FOCAD: variants seen among roughly 807,000 people sequenced by gnomAD.
FOCAD encodes the protein KIAA1797.
In FOCAD, 198 loss-of-function variants were observed where a neutral mutation model predicts 225.6. The ratio of observed to expected loss-of-function variants is 0.88; its 90% CI spans 0.78 to 0.99. The LOEUF is 0.99. Ranked by LOEUF, FOCAD falls within the 50% of genes least tolerant of loss-of-function variation. The pLI, the probability that FOCAD is intolerant of heterozygous loss-of-function variation, is 0.00. For missense variants in FOCAD, 2,713 were observed against 2,123.6 expected, an observed-to-expected ratio of 1.28 and a Z score of -5.46; for synonymous variants, 897 against 755.0, an observed-to-expected ratio of 1.19 and a Z score of -3.08.
At chr9:20,954,004 T>C (rs1002000523) in intron 35 of FOCAD, among the ~76,000 whole-genome samples, 3 of 152,208 alleles carry the variant, frequency 2.0e-5, no homozygotes, top group African/African-American at 7.2e-5. Context: ...GATTTCCCAC[T>C]GGGTACAGTA....
In FOCAD at chr9:20,781,942, T is replaced by A; in HGVS notation, c.1197+13T>A. On this transcript the variant is annotated intron_variant, in intron 10 of 43. Transcript: ENST00000338382. Reference sequence around the variant, plus strand: ...TGACCACCAAAAGGTAATGAATCTATCCTTGTTTCTCTTAAATAAAGTGTC... The same window carrying A: ...TGACCACCAAAAGGTAATGAATCTAACCTTGTTTCTCTTAAATAAAGTGTC... 2.5e-6 allele frequency: 4 copies of A among 1,609,080 alleles called. No individual in the cohort carries two copies. Among genetic ancestry groups the A allele is most frequent in the South Asian group, 1.1e-5 (1 of 90,848 alleles).
intron 15 of FOCAD, among the ~76,000 whole-genome samples, chr9:20,845,231 G>T (rs1826958565): frequency 6.6e-6 from 1 of 151,878 alleles, no homozygotes; most frequent in African/African-American, 2.4e-5. Context: ...TCAAAAATCA[G>T]AAAATATGGA....
At chr9:20,709,843 T>A (rs1375074024) in intron 1 of FOCAD, among the ~76,000 whole-genome samples, 1 of 152,230 alleles carries the variant, frequency 6.6e-6, no homozygotes. Context: ...AAATTAGGGC[T>A]GTCTTTTGTA....
chr9:20,884,520 C>T (rs1203708400), intron 20 of FOCAD, among the ~76,000 whole-genome samples: 1 of 152,044 alleles, frequency 6.6e-6, no homozygotes, highest in African/African-American at 2.4e-5. Context: ...TGGTCTCAAA[C>T]TCCTGACCTC....
Position 20,667,628 on chromosome 9 carries a change from C to G in FOCAD, c.-78+8802C>G, listed in dbSNP as rs935315856. Among the ~76,000 whole-genome samples the G allele has an allele frequency of 2.6e-5, 4 of 152,186 alleles. No individual in the cohort carries two copies. The East Asian group carries it at 5.8e-4, about 22-fold the overall frequency. On this transcript the variant is annotated intron_variant, in intron 2 of 45. Transcript: ENST00000380249. ...GGACAGAGAGGAATTACCCAGGAAA[C>G]CACTGCAGAAATTCCAAGTATCTTT...
At chr9:20,854,702 A>C (rs978791024) in intron 15 of FOCAD, among the ~76,000 whole-genome samples, 13 of 151,788 alleles carry the variant, frequency 8.6e-5, no homozygotes, top group Non-Finnish European at 1.6e-4. Context: ...ATAAACACTT[A>C]GGCTGAGATG....
intron 1 of FOCAD, among the ~76,000 whole-genome samples, chr9:20,690,256 G>T (rs748295697): frequency 6.6e-6 from 1 of 152,082 alleles, no homozygotes; most frequent in Non-Finnish European, 1.5e-5. Context: ...GAAGGATTTG[G>T]CTCCAGCATC....
At position 20,949,680 on chromosome 9, in the gene FOCAD, G is replaced by A; in HGVS notation, c.3948+5G>A. 6.2e-7 allele frequency: 1 copy of A among 1,609,570 alleles called. No homozygotes were observed. On this transcript the variant is annotated splice_donor_5th_base_variant and intron_variant, in intron 33 of 43. Coordinates refer to ENST00000338382, the MANE Select transcript of FOCAD (RefSeq NM_001375567.1). Reference sequence around the variant, plus strand: ...GTCATTAGAACCTTAACTCAGGTGAGAAAATGAATTTAAAATCCTTGGGTG... The same window carrying A: ...GTCATTAGAACCTTAACTCAGGTGAAAAAATGAATTTAAAATCCTTGGGTG...
intron 19 of FOCAD, chr9:20,875,520 G>A (rs1302026860): frequency 6.6e-6 from 1 of 151,978 alleles, no homozygotes; most frequent in African/African-American, 2.4e-5. Context: ...CTTGAAGCTG[G>A]GAGGTGGAGG....
intron 35 of FOCAD, among the ~76,000 whole-genome samples, chr9:20,963,891 T>C (rs1392757185): frequency 6.6e-6 from 1 of 152,160 alleles, no homozygotes; most frequent in Admixed American, 6.5e-5. Flanking sequence ...GCCTTGCTTG[T>C]TTCTTCTCAC....
At chr9:20,920,655 C>G (rs1358224393) in intron 24 of FOCAD, among the ~76,000 whole-genome samples, 1 of 150,772 alleles carries the variant, frequency 6.6e-6, no homozygotes, top group Non-Finnish European at 1.5e-5. Context: ...GAGTTCATGT[C>G]CTTTGTAGGG....
rs148088915 is a variant in FOCAD, at chr9:20,961,366, A to G, written c.4132+8301A>G. On this transcript the variant is annotated intron_variant, in intron 35 of 43. Transcript: ENST00000338382. ...ACAAGTTGGCTCTTGTGTCCTTTTGACATGACCCCCTCATTCTTTGACTGC... is the reference window on the plus strand; with the variant it reads ...ACAAGTTGGCTCTTGTGTCCTTTTGGCATGACCCCCTCATTCTTTGACTGC... 2.6e-3 allele frequency among the ~76,000 whole-genome samples: 401 copies of G among 152,256 alleles called. 3 individuals are homozygous for G. Among genetic ancestry groups the G allele is most frequent in the African/African-American group, 9.4e-3 (392 of 41,532 alleles).
In FOCAD at chr9:20,879,012, T is replaced by A. The variant is rs142711431; in HGVS notation, c.2318-2859T>A. Among the ~76,000 whole-genome samples, 17 of 152,256 alleles carry A rather than the reference T, an allele frequency of 1.1e-4. No homozygotes were observed. In the East Asian group the frequency reaches 3.3e-3, roughly 29 times the overall value. ...TCTCTGGACAATTGGATGGTGCCCATCAACATTGAGGGCAGATCTCCCCTG... is the reference window on the plus strand; with the variant it reads ...TCTCTGGACAATTGGATGGTGCCCAACAACATTGAGGGCAGATCTCCCCTG... On this transcript the variant is annotated intron_variant, in intron 19 of 43. Transcript: ENST00000338382.
intron 28 of FOCAD, among the ~76,000 whole-genome samples, chr9:20,934,201 C>G (rs888293858): frequency 1.1e-4 from 16 of 152,166 alleles, no homozygotes; most frequent in African/African-American, 3.6e-4. Flanking sequence ...CATGCAAAAG[C>G]TCTTTCGTTT....
intron 12 of FOCAD, 50 bp from the exon 13 acceptor site, chr9:20,820,274 G>A (rs368972974): frequency 4.8e-5 from 67 of 1,386,742 alleles, no homozygotes; most frequent in Non-Finnish European, 6.1e-5. Context: ...TAACCTCGAG[G>A]TTGTCTGCAT....
intron 18 of FOCAD, among the ~76,000 whole-genome samples, chr9:20,871,059 C>T (rs1311151760): frequency 3.3e-5 from 5 of 151,732 alleles, no homozygotes; most frequent in African/African-American, 4.8e-5. Context: ...AAGAACTAGC[C>T]GGGAGTGGTG....
intron 4 of FOCAD, among the ~76,000 whole-genome samples, chr9:20,728,112 G>A (rs1239368383): frequency 6.6e-6 from 1 of 152,132 alleles, no homozygotes; most frequent in Non-Finnish European, 1.5e-5. Context: ...TTTCTAGTTA[G>A]TGTAGTTGGT....
At chr9:20,968,718 C>A (rs1183230125) in intron 35 of FOCAD, among the ~76,000 whole-genome samples, 1 of 152,034 alleles carries the variant, frequency 6.6e-6, no homozygotes, top group Non-Finnish European at 1.5e-5. Context: ...GGATTACAGG[C>A]ATGAGCCACC....
Position 20,981,442 on chromosome 9 carries a change from A to ATC in FOCAD, c.4397_4398dup (p.Leu1467SerfsTer2). 1 of 1,614,124 alleles carries ATC rather than the reference A, an allele frequency of 6.2e-7. No individual in the cohort carries two copies. The highest frequency in any genetic ancestry group is 2.2e-5 in the East Asian group (1 of 44,880). On this transcript the variant is annotated frameshift_variant, in exon 38 of 44. Transcript: ENST00000338382. LOFTEE classifies it high-confidence loss of function. ...TACTTCCAGCTGAATACCAAGAGAT[A>ATC]TCTCCTGATATCTGCACCTCTGTGG...
Sources: gnomAD v4.1 joint callset for allele counts (sites outside exome capture counted in the v4.1 genomes callset) on GRCh38, gnomAD v4.1.1 for gene constraint, MANE v1.5 for transcripts, NCBI Gene and HGNC (gene_info 2026-07-23, HGNC 2026-07-21) for gene names.